SLC41A3: variants seen among roughly 807,000 people sequenced by gnomAD.
The protein encoded by SLC41A3 is SLC41A1-like 2.
SLC41A3 carries 44 observed loss-of-function variants against 45.4 expected under a neutral mutation model. The observed-to-expected ratio is 0.97, with a 90% CI of 0.76 to 1.25. The LOEUF (loss-of-function observed/expected upper bound fraction) is 1.25. Among genes scored for constraint, SLC41A3 ranks in the 50% most tolerant of loss-of-function variants. SLC41A3 has a pLI of 0.00. For missense variants in SLC41A3, 550 were observed against 600.6 expected, an observed-to-expected ratio of 0.92 and a Z score of 0.88; for synonymous variants, 256 against 252.4, an observed-to-expected ratio of 1.01 and a Z score of -0.13.
At chr3:126,033,562 T>C in intron 4 of SLC41A3, 45 bp downstream of exon 4, 1 of 1,596,644 alleles carries the variant, frequency 6.3e-7, no homozygotes, top group Non-Finnish European at 8.5e-7. Flanking sequence ...TGGGGAAGCC[T>C]GGCTGCAGAT....
At chr3:126,059,313 A>AGGAAGGAT (rs1943931720) in intron 2 of SLC41A3, among the ~76,000 whole-genome samples, 1 of 135,476 alleles carries the variant, frequency 7.4e-6, no homozygotes, top group East Asian at 2.0e-4. Context: ...AAAGAAAGGA[A>AGGAAGGAT]GGATGATCTG....
chr3:126,012,414 G>C (rs551411936), intron 9 of SLC41A3, among the ~76,000 whole-genome samples: 2 of 152,256 alleles, frequency 1.3e-5, no homozygotes, highest in African/African-American at 4.8e-5. Context: ...GTGCCCAGTG[G>C]ACATTCAATA....
intron 4 of SLC41A3, among the ~76,000 whole-genome samples, chr3:126,027,930 G>T (rs762445799): frequency 2.0e-5 from 3 of 152,312 alleles, no homozygotes; most frequent in East Asian, 3.9e-4. Context: ...TCTGGTGAAA[G>T]AAATTTTTAA....
intron 2 of SLC41A3, among the ~76,000 whole-genome samples, chr3:126,063,100 C>T (rs1226081480): frequency 6.6e-6 from 1 of 152,192 alleles, no homozygotes; most frequent in African/African-American, 2.4e-5. Flanking sequence ...TAGGTTCTCA[C>T]AGACGTTGTG....
intron 4 of SLC41A3, among the ~76,000 whole-genome samples, chr3:126,030,696 T>C (rs1049381648): frequency 1.3e-5 from 2 of 152,044 alleles, no homozygotes; most frequent in East Asian, 3.8e-4. Context: ...GATGGACAAA[T>C]GGATGAGTAG....
At chr3:126,082,384 G>C (rs1034915862) in intron 1 of SLC41A3, among the ~76,000 whole-genome samples, 1 of 152,340 alleles carries the variant, frequency 6.6e-6, no homozygotes, top group Non-Finnish European at 1.5e-5. Flanking sequence ...TGTCCCGACA[G>C]GGGGTGATAC....
chr3:126,090,475 TA>T (rs1319435491), intron 1 of SLC41A3, among the ~76,000 whole-genome samples: 1 of 152,050 alleles, frequency 6.6e-6, no homozygotes, highest in Non-Finnish European at 1.5e-5. Flanking sequence ...AAGTGTAGAT[TA>T]AATCATGAAT....
In SLC41A3 at chr3:126,026,485, G is replaced by C. The variant is rs373991346; in HGVS notation, c.454-6C>G. The C allele has an allele frequency of 5.5e-5, 88 of 1,599,106 alleles. No homozygotes were observed. The highest frequency in any genetic ancestry group is 7.2e-5 in the Non-Finnish European group (84 of 1,172,382). On this transcript the variant is annotated splice_polypyrimidine_tract_variant and splice_region_variant and intron_variant, in intron 4 of 10. Coordinates refer to ENST00000360370, the MANE Select transcript of SLC41A3 (RefSeq NM_017836.4). The surrounding 1 kb of genome is among the most constrained non-coding windows in gnomAD (Gnocchi z 4.2). ...CCCACGACAGTGGCCTGCACCTGTT[G>C]GACAGAAATCAGAAGCATGAAGGGG...
intron 1 of SLC41A3, among the ~76,000 whole-genome samples, chr3:126,094,549 A>G (rs1463380447): frequency 1.3e-5 from 2 of 152,252 alleles, no homozygotes; most frequent in African/African-American, 4.8e-5. Context: ...CTATGGGAAC[A>G]TTACAGCCAG....
At chr3:126,081,895 C>G (rs891912173) in intron 1 of SLC41A3, among the ~76,000 whole-genome samples, 1 of 152,250 alleles carries the variant, frequency 6.6e-6, no homozygotes, top group Non-Finnish European at 1.5e-5. Flanking sequence ...ACCAGAGCGG[C>G]AGGTGCTGGC....
chr3:126,044,917 A>AAAAAAAAAAAAAAAAAAC (rs1942861245), intron 3 of SLC41A3, among the ~76,000 whole-genome samples: 1 of 148,492 alleles, frequency 6.7e-6, no homozygotes, highest in Non-Finnish European at 1.5e-5. Flanking sequence ...AAAAAAAAAA[A>AAAAAAAAAAAAAAAAAAC]AAAAAAATCA....
At chr3:126,082,711 C>T (rs1001865955) in intron 1 of SLC41A3, among the ~76,000 whole-genome samples, 3 of 152,236 alleles carry the variant, frequency 2.0e-5, no homozygotes, top group African/African-American at 7.2e-5. Context: ...GGCCTCTAGG[C>T]GCCCCGTCAG....
In SLC41A3 at chr3:126,023,389, T is replaced by C. The variant is rs117956244; in HGVS notation, c.599-457A>G. 3.7e-3 allele frequency: 577 copies of C among 156,850 alleles called. 7 individuals carry two copies. The highest frequency in any genetic ancestry group is 0.032 in the East Asian group (173 of 5,370). 9.7% of individuals were successfully genotyped at this position (156,850 alleles called of 1,614,324 possible). On this transcript the variant is annotated intron_variant, in intron 5 of 10. Transcript: ENST00000360370. Reference sequence around the variant, plus strand: ...CAGATGGAAACAGCTAGGTAAGAGATTGATTAGGGACTAAGCCTGTGAGGG... The same window carrying C: ...CAGATGGAAACAGCTAGGTAAGAGACTGATTAGGGACTAAGCCTGTGAGGG...
At chr3:126,021,342 T>C (rs994918607) in intron 6 of SLC41A3, among the ~76,000 whole-genome samples, 2 of 152,184 alleles carry the variant, frequency 1.3e-5, no homozygotes, top group African/African-American at 4.8e-5. Context: ...ATTGAAGTGG[T>C]GCACATGCTC....
At chr3:126,054,210 G>T (rs977948513) in intron 2 of SLC41A3, among the ~76,000 whole-genome samples, 3 of 152,096 alleles carry the variant, frequency 2.0e-5, no homozygotes, top group African/African-American at 7.2e-5. Context: ...GAACCCCAAA[G>T]ACACACAGGC....
intron 1 of SLC41A3, among the ~76,000 whole-genome samples, chr3:126,079,781 T>C (rs1945061790): frequency 1.3e-5 from 2 of 152,150 alleles, no homozygotes. Context: ...GCCAAAGCAA[T>C]CCTGAGCAAA....
In SLC41A3 at chr3:126,008,762, CA is replaced by C. The variant is rs1285165284; in HGVS notation, c.1223del (p.Val408GlyfsTer9). The stretch of plus-strand genomic sequence containing the variant: ...TCAGGCCTGCCAGCAGGTAGAGCAC[CA>C]CAAAGGTCTGGCTGTTTATGACTGA... ...GQSVINSQTF[V>X]VLYLLAGLIQ... On this transcript the variant is annotated frameshift_variant, in exon 10 of 11. Transcript: ENST00000360370. LOFTEE classifies it low-confidence loss of function (END_TRUNC). The C allele has an allele frequency of 6.2e-7, 1 of 1,613,954 alleles. No homozygotes were observed. The highest frequency in any genetic ancestry group is 8.5e-7 in the Non-Finnish European group (1 of 1,179,980).
chr3:126,067,819 G>GA (rs36125006), intron 2 of SLC41A3, 128 bp downstream of exon 2: 310,348 of 1,053,552 alleles, frequency 0.29, 24,284 homozygotes, highest in East Asian at 0.35. Context: ...CCAATATATA[G>GA]AAAAAAAAAA....
At chr3:126,015,416 G>T in intron 8 of SLC41A3, 78 bp downstream of exon 8, 1 of 1,446,536 alleles carries the variant, frequency 6.9e-7, no homozygotes, top group Non-Finnish European at 9.7e-7. Flanking sequence ...GCCCCTCTGA[G>T]GTCTGCTGTT....
Sources: allele counts gnomAD v4.1 joint callset (sites outside exome capture counted in the v4.1 genomes callset), GRCh38; gene constraint gnomAD v4.1.1; non-coding constraint Gnocchi (gnomAD v3.1); transcripts MANE v1.5; gene names NCBI Gene and HGNC (gene_info 2026-07-23, HGNC 2026-07-21).